Variants in LTAP1 observed in about 807,000 individuals in gnomAD.
The protein encoded by LTAP1 is lipid transport auxiliary protein 1, also known as HCV NS5A-transactivated protein 4.
the LTAP1 span, chr1:154,220,106 C>T: frequency 2.8e-6 from 2 of 724,084 alleles, no homozygotes; most frequent in African/African-American, 1.8e-5. Flanking sequence ...ATCTAAGAAG[C>T]CAGCAGCAGG....
chr1:154,211,171 A>T, the LTAP1 span, among the ~76,000 whole-genome samples: 9,726 of 151,200 alleles, frequency 0.064, 1,066 homozygotes, highest in African/African-American at 0.22. Context: ...TGCCCAGCTA[A>T]TTTTTGTATT....
chr1:154,213,756 C>T, the LTAP1 span: 12 of 620,326 alleles, frequency 1.9e-5, no homozygotes, highest in African/African-American at 1.9e-4. Context: ...TAATCTAGTA[C>T]TTTCAAAACT....
At chr1:154,209,916 G>C in the LTAP1 span, among the ~76,000 whole-genome samples, 3 of 151,398 alleles carry the variant, frequency 2.0e-5, no homozygotes, top group Non-Finnish European at 4.4e-5. Flanking sequence ...AGTAGAGACA[G>C]GGTTACACTA....
At chr1:154,213,518 A>G in the LTAP1 span, among the ~76,000 whole-genome samples, 7 of 152,252 alleles carry the variant, frequency 4.6e-5, no homozygotes, top group Non-Finnish European at 8.8e-5. Context: ...CTGTTTTCAT[A>G]GAGATAAAGC....
chr1:154,207,755 T>C, the LTAP1 span: 11 of 890,506 alleles, frequency 1.2e-5, no homozygotes, highest in South Asian at 3.4e-5. Flanking sequence ...GTTATTTGTG[T>C]CCTATCTGTC....
At chr1:154,213,700 T>C in the LTAP1 span, among the ~76,000 whole-genome samples, 5 of 152,292 alleles carry the variant, frequency 3.3e-5, no homozygotes, top group Admixed American at 6.5e-5. Context: ...ACACCCAGAC[T>C]CTTTGGAGAA....
the LTAP1 span, among the ~76,000 whole-genome samples, chr1:154,209,584 A>G: frequency 1.4e-5 from 2 of 147,580 alleles, no homozygotes; most frequent in African/African-American, 5.1e-5. Context: ...GGTCGCCACC[A>G]CTCCCAGCTA....
chr1:154,220,272 T>C, the LTAP1 span: 1 of 1,564,052 alleles, frequency 6.4e-7, no homozygotes, highest in South Asian at 1.1e-5. Flanking sequence ...GCAGACGGGG[T>C]ACAGCTCAAA....
chr1:154,213,891 A>G, the LTAP1 span: 1 of 1,612,554 alleles, frequency 6.2e-7, no homozygotes, highest in Non-Finnish European at 8.5e-7. Flanking sequence ...GGTAGCCCTT[A>G]CCAGAGGTAC....
At chr1:154,214,348 T>C in the LTAP1 span, 1 of 735,718 alleles carries the variant, frequency 1.4e-6, no homozygotes, top group East Asian at 2.5e-5. Flanking sequence ...ATATATCCAA[T>C]AACAGGAATA....
the LTAP1 span, chr1:154,212,304 TC>T: frequency 6.2e-7 from 1 of 1,613,892 alleles, no homozygotes; most frequent in African/African-American, 1.3e-5. Flanking sequence ...TCTGACACGT[TC>T]CCCTCCAAAC....
the LTAP1 span, chr1:154,220,553 G>A: frequency 1.3e-6 from 1 of 782,908 alleles, no homozygotes; most frequent in Non-Finnish European, 2.1e-6. Context: ...GACCCGGCCT[G>A]AAAACATGGC....
chr1:154,213,741 A>C, the LTAP1 span: 1 of 551,846 alleles, frequency 1.8e-6, no homozygotes, highest in Admixed American at 3.1e-5. Flanking sequence ...CTTCAGCAAA[A>C]TCTCTAATCT....
chr1:154,219,986 TG>T, the LTAP1 span: 15 of 1,321,476 alleles, frequency 1.1e-5, no homozygotes, highest in Admixed American at 2.7e-5. Context: ...AGTTTTGTTT[TG>T]TTTTTTTTTT....
the LTAP1 span, among the ~76,000 whole-genome samples, chr1:154,210,108 G>A: frequency 2.0e-5 from 3 of 151,796 alleles, no homozygotes; most frequent in Non-Finnish European, 2.9e-5. Context: ...GCACAATCTC[G>A]GCTCACTGCA....
At chr1:154,206,874 A>T in the LTAP1 span, 2 of 154,798 alleles carry the variant, frequency 1.3e-5, no homozygotes, top group Non-Finnish European at 2.9e-5. Context: ...TATTAATGAG[A>T]GTGTGGAATT....
chr1:154,215,165 A>G, the LTAP1 span, among the ~76,000 whole-genome samples: 1 of 152,134 alleles, frequency 6.6e-6, no homozygotes, highest in Non-Finnish European at 1.5e-5. Context: ...CAGCCTTCTG[A>G]GCAGCTAGGA....
the LTAP1 span, among the ~76,000 whole-genome samples, chr1:154,209,753 A>ATTTT: frequency 2.8e-5 from 4 of 143,800 alleles, no homozygotes; most frequent in East Asian, 2.0e-4. Context: ...CGCCCGGCTA[A>ATTTT]TTTTTTTTTT....
the LTAP1 span, among the ~76,000 whole-genome samples, chr1:154,208,140 T>C: frequency 1.3e-5 from 2 of 150,662 alleles, no homozygotes; most frequent in African/African-American, 4.9e-5. Context: ...TGGTCACTTA[T>C]ACCTGTAATC....
Sources: allele counts gnomAD v4.1 joint callset (sites outside exome capture counted in the v4.1 genomes callset), GRCh38; gene constraint gnomAD v4.1.1; transcripts MANE v1.5; gene names NCBI Gene and HGNC (gene_info 2026-07-23, HGNC 2026-07-21).